The following DNAJC12 variants were observed in gnomAD, a reference collection of about 807,000 sequenced individuals.
The protein encoded by DNAJC12 is DnaJ heat shock protein family (Hsp40) member C12.
In DNAJC12, 25 loss-of-function variants were observed where a neutral mutation model predicts 28.5. That is an observed-to-expected ratio of 0.88 (90% CI 0.64 to 1.22). The LOEUF (loss-of-function observed/expected upper bound fraction) is 1.22. Among genes scored for constraint, DNAJC12 ranks in the 50% most tolerant of loss-of-function variants. DNAJC12 has a pLI of 0.00. For synonymous variants in DNAJC12, 77 were observed against 80.6 expected (o/e 0.95, Z 0.24); for missense variants, 222 against 231.7 (o/e 0.96, Z 0.27).
At chr10:67,801,139 G>T (rs1006140530) in intron 4 of DNAJC12, among the ~76,000 whole-genome samples, 1 of 152,168 alleles carries the variant, frequency 6.6e-6, no homozygotes, top group Admixed American at 6.5e-5. Context: ...TTAGAATGTG[G>T]TGGGGGCTAT....
At position 67,838,153 on chromosome 10, in the gene DNAJC12, A is replaced by G. The variant is rs528285055; in HGVS notation, c.-142T>C. ...CTAGCTTTAAGACTGGCCACAGTCA[A>G]TACACCAGATGTCATCCTAGACCTT... On this transcript the variant is annotated 5_prime_UTR_variant, in exon 1 of 5. Transcript: ENST00000225171. 3 of 577,860 alleles carry G rather than the reference A, an allele frequency of 5.2e-6. No individual in the cohort carries two copies. The highest frequency in any genetic ancestry group is 4.5e-5 in the South Asian group (2 of 44,324). 35.8% of individuals were successfully genotyped at this position (577,860 alleles called of 1,614,324 possible).
intron 2 of DNAJC12, among the ~76,000 whole-genome samples, chr10:67,821,468 A>G (rs1298079305): frequency 6.6e-6 from 1 of 152,192 alleles, no homozygotes; most frequent in Non-Finnish European, 1.5e-5. Flanking sequence ...GTGAGCCAAT[A>G]TCGTGCCATT....
chr10:67,817,332 A>C (rs1345200101), intron 2 of DNAJC12, among the ~76,000 whole-genome samples: 2 of 152,208 alleles, frequency 1.3e-5, no homozygotes, highest in African/African-American at 4.8e-5. Context: ...TGTAAGTGGA[A>C]TGGGAGCAAT....
At chr10:67,802,951 A>G (rs909524852) in intron 4 of DNAJC12, among the ~76,000 whole-genome samples, 1 of 149,192 alleles carries the variant, frequency 6.7e-6, no homozygotes. Flanking sequence ...CCCCCCCCAC[A>G]CACACACCCG....
rs1841998136 is a variant in DNAJC12 at position 67,823,307 on chromosome 10, T to G, written c.157+7A>C. The G allele has an allele frequency of 6.2e-7, 1 of 1,613,450 alleles. No individual in the cohort carries two copies. Among genetic ancestry groups the G allele is most frequent in the South Asian group, 1.1e-5 (1 of 91,062 alleles). On this transcript the variant is annotated splice_region_variant and intron_variant, in intron 2 of 4. Transcript: ENST00000225171. ...TTCTTGAGAAGTAGCCTTTATTAAG[T>G]TCTTACCAGCTTTGGGGTTTTCAGG...
At position 67,797,117 on chromosome 10, in the gene DNAJC12, C is replaced by A. The variant is rs1273776043; in HGVS notation, c.596G>T (p.Ter199LeuextTer42). ...LLRKFRNYEI[*>L] is the part of the protein sequence containing the mutation. ...CTCATTTTTTGAAGCAGAGATATTTCATATTTCATAGTTTCTGAACTTCCT... is the reference window on the plus strand; with the variant it reads ...CTCATTTTTTGAAGCAGAGATATTTAATATTTCATAGTTTCTGAACTTCCT... Residue 199 changes from the stop codon to leucine, a stop_lost, in exon 5 of 5, where the codon TGA becomes TTA. Transcript: ENST00000225171. 8.7e-6 allele frequency: 14 copies of A among 1,611,632 alleles called. No homozygotes were observed. The highest frequency in any genetic ancestry group is 1.2e-5 in the Non-Finnish European group (14 of 1,178,400).
At chr10:67,799,126 A>T (rs1465850448) in intron 4 of DNAJC12, among the ~76,000 whole-genome samples, 1 of 152,186 alleles carries the variant, frequency 6.6e-6, no homozygotes. Flanking sequence ...TGCAATAAAC[A>T]TCTATGCTTT....
chr10:67,801,515 T>C (rs985253660), intron 4 of DNAJC12, among the ~76,000 whole-genome samples: 1 of 152,138 alleles, frequency 6.6e-6, no homozygotes, highest in African/African-American at 2.4e-5. Context: ...CCCAGTTGGA[T>C]GCAATGGCTC....
Position 67,837,965 on chromosome 10 carries a change from T to C in DNAJC12, c.47A>G (p.Tyr16Cys), listed in dbSNP as rs1371547184. ...TAGTTCATCACATCCCAGTAATGTGTAGTAATCTTCAGTATCTTCTGACCT... is the reference window on the plus strand; with the variant it reads ...TAGTTCATCACATCCCAGTAATGTGCAGTAATCTTCAGTATCTTCTGACCT... ...NYRSEDTEDY[Y>C]TLLGCDELSS... is the part of the protein sequence containing the mutation. The change falls in exon 1 of 5, where the codon TAC (tyrosine) becomes TGC (cysteine). Residue 16 changes from tyrosine to cysteine, a missense_variant. Coordinates refer to ENST00000225171, the MANE Select transcript of DNAJC12 (RefSeq NM_021800.3). The C allele has an allele frequency of 2.5e-6, 4 of 1,609,352 alleles. No individual in the cohort carries two copies. Among genetic ancestry groups the C allele is most frequent in the African/African-American group, 2.7e-5 (2 of 74,654 alleles).
intron 1 of DNAJC12, among the ~76,000 whole-genome samples, chr10:67,830,964 G>A (rs769514435): frequency 1.3e-4 from 20 of 151,980 alleles, no homozygotes; most frequent in Non-Finnish European, 2.8e-4. Flanking sequence ...CAAGGTGGGC[G>A]GATCACGAGG....
Position 67,805,731 on chromosome 10 carries a change from C to T in DNAJC12, c.354G>A (p.Lys118=). The stretch of plus-strand genomic sequence containing the variant: ...CATTTTCCATCTTGGTGGTATGAGT[C>T]TTGTCAGATTCTTCCAGCATCAGGT... The part of the protein sequence containing the change: ...KKDLMLEESD[K]THTTKMENEE... The change falls in exon 4 of 5, where the codon AAG becomes AAA. Residue 118 remains lysine (K), a synonymous_variant. Coordinates refer to ENST00000225171, the MANE Select transcript of DNAJC12 (RefSeq NM_021800.3). 1 of 1,612,050 alleles carries T rather than the reference C, an allele frequency of 6.2e-7. No individual in the cohort carries two copies. The highest frequency in any genetic ancestry group is 8.5e-7 in the Non-Finnish European group (1 of 1,179,520).
intron 2 of DNAJC12, among the ~76,000 whole-genome samples, chr10:67,814,826 A>G (rs761441877): frequency 3.3e-5 from 5 of 152,174 alleles, no homozygotes; most frequent in Non-Finnish European, 7.3e-5. Context: ...CTTTATACCT[A>G]CTAGGATGGC....
At chr10:67,826,912 T>C (rs1842041658) in intron 1 of DNAJC12, among the ~76,000 whole-genome samples, 1 of 131,398 alleles carries the variant, frequency 7.6e-6, no homozygotes, top group South Asian at 2.3e-4. Flanking sequence ...TCATTATATA[T>C]GATATATAAT....
chr10:67,805,700 A>C lies in DNAJC12; in HGVS notation c.385T>G (p.Cys129Gly). Residue 129 changes from cysteine to glycine, a missense_variant, in exon 4 of 5, where the codon TGT becomes GGT. Physicochemically the swap from Cys to Gly is radical, Grantham distance 159. Transcript: ENST00000225171. The part of the protein sequence containing the change: ...THTTKMENEE[C>G]NEQRERKKEE... The stretch of plus-strand genomic sequence containing the variant: ...TTCTTTCTTTCTCTTTGCTCATTAC[A>C]TTCCTCATTTTCCATCTTGGTGGTA... The C allele has an allele frequency of 6.2e-7, 1 of 1,610,938 alleles. No homozygotes were observed. Among genetic ancestry groups the C allele is most frequent in the South Asian group, 1.1e-5 (1 of 90,502 alleles).
At chr10:67,830,401 G>A (rs1458538069) in intron 1 of DNAJC12, among the ~76,000 whole-genome samples, 1 of 151,306 alleles carries the variant, frequency 6.6e-6, no homozygotes, top group Non-Finnish European at 1.5e-5. Context: ...GAGGTCAGGA[G>A]ATTGAGACCA....
Position 67,830,075 on chromosome 10 carries a change from A to G in DNAJC12, c.79-6683T>C, listed in dbSNP as rs185270869. On this transcript the variant is annotated intron_variant, in intron 1 of 4. Transcript: ENST00000225171. ...ACACCTGTAATCCCAGCACTTTGGG[A>G]TGCTGAGGCGGGCAGATCACCTGAG... Among the ~76,000 whole-genome samples, 164 of 152,246 alleles carry G rather than the reference A, an allele frequency of 1.1e-3. No homozygotes were observed. The East Asian group carries it at 0.013, about 12-fold the overall frequency.
chr10:67,806,066 G>T (rs1841797634), intron 3 of DNAJC12, among the ~76,000 whole-genome samples: 1 of 152,198 alleles, frequency 6.6e-6, no homozygotes, highest in Admixed American at 6.5e-5. Flanking sequence ...ATGGATGAAT[G>T]AATGGAGGGA....
Position 67,838,092 on chromosome 10 carries a change from A to T in DNAJC12, c.-81T>A. The T allele has an allele frequency of 2.1e-6, 2 of 949,914 alleles. No homozygotes were observed. Among genetic ancestry groups the T allele is most frequent in the East Asian group, 5.0e-5 (2 of 40,112 alleles). 58.8% of individuals were successfully genotyped at this position (949,914 alleles called of 1,614,324 possible). A position where few individuals can be genotyped will look rare whatever the true frequency, so the allele number is the denominator to read the frequency against. ...GAATTAACAGGAAGAAACTCTTTAA[A>T]TCTGAATTAGAGCAGCATGTTCCAC... On this transcript the variant is annotated 5_prime_UTR_variant, in exon 1 of 5. Coordinates refer to ENST00000225171, the MANE Select transcript of DNAJC12 (RefSeq NM_021800.3).
rs1230990744 is a variant in DNAJC12, at chr10:67,838,015, G to T, written c.-4C>A. Reference sequence around the variant, plus strand: ...TGTAATTCAGTATTGCATCCATTTAGATGACTTAATCAGTCCTTCTTCCCT... The same window carrying T: ...TGTAATTCAGTATTGCATCCATTTATATGACTTAATCAGTCCTTCTTCCCT... On this transcript the variant is annotated 5_prime_UTR_variant, in exon 1 of 5. Transcript: ENST00000225171. The T allele has an allele frequency of 1.2e-6, 2 of 1,600,046 alleles. No individual in the cohort carries two copies. The highest frequency in any genetic ancestry group is 3.4e-5 in the Admixed American group (2 of 58,630).
Sources: gnomAD v4.1 joint callset for allele counts (sites outside exome capture counted in the v4.1 genomes callset) on GRCh38, gnomAD v4.1.1 for gene constraint, MANE v1.5 for transcripts, NCBI Gene and HGNC (gene_info 2026-07-23, HGNC 2026-07-21) for gene names.